The following PTER variants were observed in gnomAD, a reference collection of about 807,000 sequenced individuals.
PTER encodes the protein N-acetyltaurine hydrolase.
Under a neutral mutation model 29.6 loss-of-function variants are expected in PTER, and 38 were observed. The ratio of observed to expected loss-of-function variants is 1.28; its 90% CI spans 0.99 to 1.68. PTER has a LOEUF of 1.68. Among genes scored for constraint, PTER ranks in the 40% most tolerant of loss-of-function variants. The probability of loss-of-function intolerance (pLI) is 0.00; values close to 1 mark genes in which losing one functional copy is unlikely to be tolerated. For missense variants in PTER, 482 were observed against 427.8 expected (o/e 1.13, Z -1.12); for synonymous variants, 172 against 154.5 (o/e 1.11, Z -0.84).
At chr10:16,487,625 T>C (rs1835752849) in intron 3 of PTER, among the ~76,000 whole-genome samples, 1 of 152,186 alleles carries the variant, frequency 6.6e-6, no homozygotes, top group Admixed American at 6.5e-5. Context: ...ACATATTATT[T>C]TAGATGCATA....
In PTER at chr10:16,477,298, A is replaced by AGATG. The variant is rs1554789938; in HGVS notation, c.-48-7034_-48-7031dup. ...TAGATAGATAGATAGATAGATAGAT[A>AGATG]GATGGATGTCTGTCTGTCTGCACAT... On this transcript the variant is annotated intron_variant, in intron 1 of 4. Coordinates refer to ENST00000535784, the MANE Select transcript of PTER (RefSeq NM_001261836.2). Among the ~76,000 whole-genome samples, 41 of 138,762 alleles carry AGATG rather than the reference A, an allele frequency of 3.0e-4. 1 individual carries two copies. The highest frequency in any genetic ancestry group is 2.7e-3 in the Admixed American group (39 of 14,522). 91.0% of individuals were successfully genotyped at this position (138,762 alleles called of 152,430 possible).
At chr10:16,487,290 G>T (rs974077883) in intron 3 of PTER, among the ~76,000 whole-genome samples, 4 of 152,128 alleles carry the variant, frequency 2.6e-5, no homozygotes, top group African/African-American at 9.7e-5. Flanking sequence ...TCAGGGCCCC[G>T]CTTCCTCCAA....
intron 1 of PTER, among the ~76,000 whole-genome samples, chr10:16,474,197 C>G (rs1378177826): frequency 6.6e-6 from 1 of 152,128 alleles, no homozygotes; most frequent in Non-Finnish European, 1.5e-5. Context: ...GGTATCAAGA[C>G]AAGTGCTTCA....
At chr10:16,510,849 A>G (rs1564413717) in intron 4 of PTER, among the ~76,000 whole-genome samples, 197 bp from the exon 5 acceptor site, 1 of 152,176 alleles carries the variant, frequency 6.6e-6, no homozygotes, top group Non-Finnish European at 1.5e-5. Flanking sequence ...TGGAATAAGG[A>G]TATGTTCCTG....
chr10:16,499,421 TTA>T (rs1359053038), intron 3 of PTER, among the ~76,000 whole-genome samples: 7 of 151,016 alleles, frequency 4.6e-5, no homozygotes, highest in African/African-American at 1.5e-4. Flanking sequence ...TATTTTTAAT[TTA>T]ATTATTTTAT....
chr10:16,467,343 T>A (rs1834872696), intron 1 of PTER, among the ~76,000 whole-genome samples: 1 of 152,174 alleles, frequency 6.6e-6, no homozygotes, highest in South Asian at 2.1e-4. Flanking sequence ...AAACATAGTA[T>A]CTACAGGGTT....
chr10:16,485,998 G>A (rs937417486), intron 2 of PTER, among the ~76,000 whole-genome samples: 1 of 151,952 alleles, frequency 6.6e-6, no homozygotes, highest in Non-Finnish European at 1.5e-5. Context: ...ATTCATTGGC[G>A]GTCTTTCTAT....
intron 3 of PTER, 58 bp from the exon 4 acceptor site, chr10:16,504,962 T>A (rs1035594946): frequency 1.9e-6 from 3 of 1,590,982 alleles, no homozygotes; most frequent in East Asian, 2.2e-5. Flanking sequence ...ACTTCTAGTA[T>A]GTACATGTGG....
At chr10:16,462,568 T>A (rs1834654185) in intron 1 of PTER, among the ~76,000 whole-genome samples, 1 of 139,160 alleles carries the variant, frequency 7.2e-6, no homozygotes, top group Non-Finnish European at 1.5e-5. Context: ...CCACATAATC[T>A]ACTTTTTTTT....
At chr10:16,475,603 G>T (rs893853963) in intron 1 of PTER, among the ~76,000 whole-genome samples, 1 of 152,144 alleles carries the variant, frequency 6.6e-6, no homozygotes, top group Admixed American at 6.6e-5. Flanking sequence ...TCTGGTACAG[G>T]GTAGAAGGGG....
downstream of PTER, among the ~76,000 whole-genome samples, chr10:16,515,625 TACAA>T (rs1411536140): frequency 3.3e-5 from 5 of 152,310 alleles, no homozygotes; most frequent in Admixed American, 2.0e-4. Flanking sequence ...GATAGACATT[TACAA>T]ACAGTCAAAT....
At chr10:16,456,721 G>T (rs150272428) in intron 1 of PTER, among the ~76,000 whole-genome samples, 232 of 152,188 alleles carry the variant, frequency 1.5e-3, no homozygotes, top group African/African-American at 5.2e-3. Flanking sequence ...TAGGGCTGTG[G>T]CTGTGTCCAT....
rs1836895377 is a variant in PTER at position 16,513,648 on chromosome 10, T to C, written c.*2392T>C. ...TATGCAGCAGCTCAAATTAAACCTT[T>C]GTGCATTGGGTTATGAATAATCTTT... On this transcript the variant is annotated 3_prime_UTR_variant, in exon 5 of 5. Transcript: ENST00000535784. The C allele has an allele frequency of 6.6e-6, 1 of 152,584 alleles. No individual in the cohort carries two copies. Among genetic ancestry groups the C allele is most frequent in the Admixed American group, 6.6e-5 (1 of 15,264 alleles). The allele number at this position is 152,584 out of a possible 1,614,324, so 9.5% of individuals were successfully genotyped here.
At chr10:16,500,371 T>C (rs1836287718) in intron 3 of PTER, among the ~76,000 whole-genome samples, 2 of 152,098 alleles carry the variant, frequency 1.3e-5, no homozygotes, top group African/African-American at 4.8e-5. Flanking sequence ...CACCTCAGCC[T>C]CCTGAGCAAC....
chr10:16,499,189 G>C (rs1468769216), intron 3 of PTER, among the ~76,000 whole-genome samples: 1 of 152,104 alleles, frequency 6.6e-6, no homozygotes, highest in African/African-American at 2.4e-5. Context: ...CTTCTGTAAG[G>C]ATTAAATGAG....
At chr10:16,474,903 C>A (rs1454598189) in intron 1 of PTER, among the ~76,000 whole-genome samples, 3 of 151,960 alleles carry the variant, frequency 2.0e-5, no homozygotes, top group African/African-American at 7.2e-5. Context: ...CAAAACAAAA[C>A]AAATTTATTT....
At chr10:16,446,058 A>G (rs927678660) in intron 1 of PTER, among the ~76,000 whole-genome samples, 2 of 152,282 alleles carry the variant, frequency 1.3e-5, no homozygotes, top group African/African-American at 4.8e-5. Flanking sequence ...TGTGTGCCAG[A>G]TATTTCGGAG....
chr10:16,476,901 C>CTTTTTTTTT (rs1010674988), intron 1 of PTER, among the ~76,000 whole-genome samples: 9 of 100,366 alleles, frequency 9.0e-5, no homozygotes, highest in African/African-American at 4.0e-4. Context: ...TCCTAGAATT[C>CTTTTTTTTT]TTTTTTTTTT....
rs530041710 is a variant in PTER at position 16,442,296 on chromosome 10, C to T, written c.-49+5249C>T. Among the ~76,000 whole-genome samples the T allele has an allele frequency of 5.3e-5, 8 of 152,236 alleles. No homozygotes were observed. The South Asian group carries it at 8.3e-4, about 16-fold the overall frequency. ...ATCTCATGTTTATGCCTTGACAATT[C>T]GACATGTCTCATCTCCTACATTCTT... On this transcript the variant is annotated intron_variant, in intron 1 of 4. Coordinates refer to ENST00000535784, the MANE Select transcript of PTER (RefSeq NM_001261836.2).
Sources: gnomAD v4.1 joint callset for allele counts (sites outside exome capture counted in the v4.1 genomes callset) on GRCh38, gnomAD v4.1.1 for gene constraint, MANE v1.5 for transcripts, NCBI Gene and HGNC (gene_info 2026-07-23, HGNC 2026-07-21) for gene names.